JAK1: variants seen among roughly 807,000 people sequenced by gnomAD.
The protein encoded by JAK1 is Janus kinase 1, also known as tyrosine-protein kinase JAK1.
Under a neutral mutation model 136.6 loss-of-function variants are expected in JAK1, and 16 were observed. The observed-to-expected ratio is 0.12, with a 90% CI of 0.08 to 0.18. JAK1 has a LOEUF of 0.18. Among genes scored for constraint, JAK1 ranks in the 10% least tolerant of loss-of-function variants. The pLI, the probability that JAK1 is intolerant of heterozygous loss-of-function variation, is 1.00. For synonymous variants in JAK1, 492 were observed against 519.5 expected, an observed-to-expected ratio of 0.95 and a Z score of 0.72; for missense variants, 859 against 1,450.1, an observed-to-expected ratio of 0.59 and a Z score of 6.62.
intron 1 of JAK1, chr1:65,058,518 T>C (rs1196116536): frequency 1.9e-6 from 1 of 532,576 alleles, no homozygotes; most frequent in Non-Finnish European, 3.8e-6. Flanking sequence ...AGCCTGTCAG[T>C]CACTGTGTCG....
intron 1 of JAK1, among the ~76,000 whole-genome samples, chr1:65,062,498 A>G (rs1389359884): frequency 6.6e-6 from 1 of 152,210 alleles, no homozygotes; most frequent in Non-Finnish European, 1.5e-5. Flanking sequence ...TAAAGGAGCC[A>G]ATACCAAAGA....
At chr1:64,853,035 T>G (rs1277005371) in intron 11 of JAK1, among the ~76,000 whole-genome samples, 1 of 152,210 alleles carries the variant, frequency 6.6e-6, no homozygotes, top group Non-Finnish European at 1.5e-5. Context: ...ACTTTGCTTT[T>G]TATTTATCCC....
chr1:64,882,049 G>A lies in JAK1; in HGVS notation c.205+1228C>T, dbSNP rs140993602. ...AAAGATGGTTATTTGTACACATTGCGGCCTAGTCAAAATAACTTGACAATA... is the reference window on the plus strand; with the variant it reads ...AAAGATGGTTATTTGTACACATTGCAGCCTAGTCAAAATAACTTGACAATA... On this transcript the variant is annotated intron_variant, in intron 3 of 24. Transcript: ENST00000342505. Among the ~76,000 whole-genome samples the A allele has an allele frequency of 3.2e-4, 49 of 152,154 alleles. 1 individual carries two copies. In the East Asian group the frequency reaches 8.9e-3, roughly 28 times the overall value.
chr1:64,973,292 C>T (rs886211888), intron 2 of JAK1, among the ~76,000 whole-genome samples: 10 of 115,128 alleles, frequency 8.7e-5, no homozygotes, highest in African/African-American at 2.4e-4. Flanking sequence ...AAAGAAAGGG[C>T]GAGAAAGAAA....
At chr1:64,976,428 C>A (rs759983151) in intron 2 of JAK1, among the ~76,000 whole-genome samples, 1 of 152,192 alleles carries the variant, frequency 6.6e-6, no homozygotes, top group Non-Finnish European at 1.5e-5. Flanking sequence ...ATCAAGCCAC[C>A]TTGGCTGCTC....
In JAK1 at chr1:64,867,043, C is replaced by G; in HGVS notation, c.813G>C (p.Leu271Phe). The change falls in exon 7 of 25, where the codon TTG becomes TTC. Residue 271 changes from leucine (L) to phenylalanine (F), a missense_variant. Leu to Phe is a conservative substitution (Grantham distance 22). This residue lies in a region of JAK1 where 353 missense variants were observed against 494.0 expected (regional missense o/e 0.71). Coordinates refer to ENST00000342505, the MANE Select transcript of JAK1 (RefSeq NM_002227.4). The part of the protein sequence containing the change: ...VSTHDLKVKY[L>F]ATLETLTKHY... Reference sequence around the variant, plus strand: ...GTTTTGTCAAAGTTTCCAAGGTAGCCAAGTATTTCACCTTCAGGTCATGCG... The same window carrying G: ...GTTTTGTCAAAGTTTCCAAGGTAGCGAAGTATTTCACCTTCAGGTCATGCG... 1 of 1,614,216 alleles carries G rather than the reference C, an allele frequency of 6.2e-7. No individual in the cohort carries two copies. Among genetic ancestry groups the G allele is most frequent in the Non-Finnish European group, 8.5e-7 (1 of 1,180,042 alleles).
chr1:64,876,786 A>G (rs746321517), intron 4 of JAK1, among the ~76,000 whole-genome samples: 6 of 152,212 alleles, frequency 3.9e-5, no homozygotes, highest in Non-Finnish European at 7.3e-5. Flanking sequence ...TTTCAAAATG[A>G]CGTGGAGGAA....
At chr1:65,048,921 A>G (rs1338516) in intron 1 of JAK1, among the ~76,000 whole-genome samples, 94,677 of 152,124 alleles carry the variant, frequency 0.62, 30,287 homozygotes, top group South Asian at 0.71. Context: ...CTTCACTCCC[A>G]TTTCTGCAAG....
At chr1:64,960,960 C>G (rs1646273243) in intron 1 of JAK1, among the ~76,000 whole-genome samples, 1 of 152,192 alleles carries the variant, frequency 6.6e-6, no homozygotes, top group African/African-American at 2.4e-5. Flanking sequence ...TTGCCCTCCA[C>G]TAAATGCCCC....
Position 64,838,446 on chromosome 1 carries a change from T to C in JAK1, c.2967+19A>G, listed in dbSNP as rs371089776. ...GTGCCTGATGTCTTAATCTGTAACA[T>C]GATGTCTTTATTTTTTACCTTACAA... On this transcript the variant is annotated intron_variant, in intron 21 of 24. Transcript: ENST00000342505. 9.3e-6 allele frequency: 15 copies of C among 1,612,998 alleles called. No individual in the cohort carries two copies. Among genetic ancestry groups the C allele is most frequent in the Non-Finnish European group, 1.1e-5 (13 of 1,179,428 alleles).
intron 5 of JAK1, among the ~76,000 whole-genome samples, chr1:64,871,207 G>A (rs935832814): frequency 6.6e-6 from 1 of 152,226 alleles, no homozygotes; most frequent in Non-Finnish European, 1.5e-5. Flanking sequence ...CAGTTCTAAG[G>A]CATAGATGGA....
intron 1 of JAK1, among the ~76,000 whole-genome samples, chr1:64,956,638 A>C (rs1646193226): frequency 6.6e-6 from 1 of 152,176 alleles, no homozygotes; most frequent in South Asian, 2.1e-4. Flanking sequence ...ACTGTTGGCT[A>C]CTTAAGGACA....
chr1:65,061,275 G>GC (rs1197884279), intron 1 of JAK1, among the ~76,000 whole-genome samples: 1 of 152,036 alleles, frequency 6.6e-6, no homozygotes, highest in Non-Finnish European at 1.5e-5. Context: ...TATGAGCAGG[G>GC]CCAGTAGTCC....
intron 1 of JAK1, among the ~76,000 whole-genome samples, chr1:64,890,712 C>T (rs889530450): frequency 2.6e-5 from 4 of 152,156 alleles, no homozygotes; most frequent in Non-Finnish European, 5.9e-5. Context: ...AAGGTATTGA[C>T]GCAATATAAA....
chr1:65,047,725 A>T (rs1015304815), intron 1 of JAK1, among the ~76,000 whole-genome samples: 4 of 152,110 alleles, frequency 2.6e-5, no homozygotes, highest in African/African-American at 9.7e-5. Flanking sequence ...TCTCAAAAAA[A>T]AAAAAAAGTC....
chr1:64,913,695 G>GGAAGGAAGGAAGGAAA (rs1557686714), intron 1 of JAK1, among the ~76,000 whole-genome samples: 1 of 25,412 alleles, frequency 3.9e-5, no homozygotes, highest in Non-Finnish European at 1.1e-4. Flanking sequence ...AAGGAAGGAA[G>GGAAGGAAGGAAGGAAA]GAAGGAAAGA....
Position 65,011,091 on chromosome 1 carries a change from T to C in JAK1, c.-78+33389A>G, listed in dbSNP as rs146399130. ...ATTTTCATGTATATGATCTTTTCTT[T>C]AGTAGACCAAAAGCATTCATTTGCC... On this transcript the variant is annotated intron_variant, in intron 2 of 25. Coordinates refer to the JAK1 transcript ENST00000671954. 1.0e-3 allele frequency among the ~76,000 whole-genome samples: 152 copies of C among 152,336 alleles called. 1 individual carries two copies. The highest frequency in any genetic ancestry group is 3.4e-3 in the African/African-American group (141 of 41,586).
At chr1:64,928,788 A>AAAAAAC (rs1553170007) in intron 1 of JAK1, among the ~76,000 whole-genome samples, 11 of 90,638 alleles carry the variant, frequency 1.2e-4, no homozygotes, top group African/African-American at 4.7e-4. Flanking sequence ...CAAAAAAAAA[A>AAAAAAC]AAAAAAAACA....
chr1:64,847,963 TGTCA>T (rs1329553938), intron 12 of JAK1: 22 of 349,492 alleles, frequency 6.3e-5, no homozygotes, highest in Non-Finnish European at 8.9e-5. Flanking sequence ...AGTCCTAACA[TGTCA>T]GGACACTGCA....
Sources: gnomAD v4.1 joint callset for allele counts (sites outside exome capture counted in the v4.1 genomes callset) on GRCh38, gnomAD v4.1.1 for gene constraint, gnomAD v4.1.1 regional missense constraint, MANE v1.5 for transcripts, NCBI Gene and HGNC (gene_info 2026-07-23, HGNC 2026-07-21) for gene names.